ADAM19: variants seen among roughly 807,000 people sequenced by gnomAD.
The protein encoded by ADAM19 is disintegrin and metalloproteinase domain-containing protein 19.
Under a neutral mutation model 114.7 loss-of-function variants are expected in ADAM19, and 65 were observed. The observed-to-expected ratio is 0.57, with a 90% confidence interval of 0.46 to 0.70. ADAM19 has a LOEUF of 0.70. Ranked by LOEUF, ADAM19 falls within the 30% of genes least tolerant of loss-of-function variation. ADAM19 has a pLI of 0.00. For missense variants in ADAM19, 1,063 were observed against 1,204.7 expected (o/e 0.88, Z 1.74); for synonymous variants, 466 against 460.5 (o/e 1.01, Z -0.15).
chr5:157,502,850 T>G lies in ADAM19; in HGVS notation c.1261A>C (p.Asn421His). 2 of 1,614,144 alleles carry G rather than the reference T, an allele frequency of 1.2e-6. No individual in the cohort carries two copies. Among genetic ancestry groups the G allele is most frequent in the Non-Finnish European group, 8.5e-7 (1 of 1,180,020 alleles). ...TCTTCCCCATCTTCCAGATACCCGT[T>G]CCCACACCTCCGGCCTCCATACAAC... Reference protein sequence around the residue: ...RMLYGGRRCGNGYLEDGEECD... With the variant: ...RMLYGGRRCGHGYLEDGEECD... The change falls in exon 12 of 23, where the codon AAC becomes CAC. Residue 421 changes from asparagine (N) to histidine (H), a missense_variant. Physicochemically the swap from Asn to His is moderately conservative, Grantham distance 68. Around this residue, in one of 3 missense-constraint regions of ADAM19, gnomAD observed 615 missense variants for 706.3 expected, o/e 0.87. Transcript: ENST00000257527.
chr5:157,541,055 C>A (rs989537469), intron 3 of ADAM19, among the ~76,000 whole-genome samples: 2 of 152,286 alleles, frequency 1.3e-5, no homozygotes, highest in Middle Eastern at 6.8e-3. Flanking sequence ...TGCAGCTCCC[C>A]CAAGCTAGGT....
At chr5:157,562,070 C>G (rs1403534599) in intron 3 of ADAM19, among the ~76,000 whole-genome samples, 1 of 152,146 alleles carries the variant, frequency 6.6e-6, no homozygotes, top group Non-Finnish European at 1.5e-5. Flanking sequence ...AGAAAATCAT[C>G]TCCCCCGCTC....
chr5:157,481,784 G>A lies in ADAM19; in HGVS notation c.2703+7C>T, dbSNP rs1242962438. ...GCTTTCACCTTGAGGGCTTCCCGTG[G>A]ACTCACCTTTGGGGCAAGTGCTGCC... On this transcript the variant is annotated splice_region_variant and intron_variant, in intron 22 of 22. Coordinates refer to ENST00000257527, the MANE Select transcript of ADAM19 (RefSeq NM_033274.5). 2 of 1,567,508 alleles carry A rather than the reference G, an allele frequency of 1.3e-6. No homozygotes were observed. Among genetic ancestry groups the A allele is most frequent in the Non-Finnish European group, 1.7e-6 (2 of 1,154,874 alleles).
rs1754627684 is a variant in ADAM19 at position 157,477,427 on chromosome 5, G to A, written c.*3522C>T. On this transcript the variant is annotated 3_prime_UTR_variant, in exon 23 of 23. Transcript: ENST00000257527. ...TTGTAAACAATTAATAGGTGGACAA[G>A]AGAGAAGAAGATCTGTTTTCCGTGA... 10 of 1,030,560 alleles carry A rather than the reference G, an allele frequency of 9.7e-6. No homozygotes were observed. The Middle Eastern group carries it at 1.4e-3, about 149-fold the overall frequency. The allele number at this position is 1,030,560 out of a possible 1,614,324, so 63.8% of individuals were successfully genotyped here.
At position 157,518,844 on chromosome 5, in the gene ADAM19, G is replaced by A. The variant is rs1756180174; in HGVS notation, c.645C>T (p.Tyr215=). 2 of 1,613,938 alleles carry A rather than the reference G, an allele frequency of 1.2e-6. No individual in the cohort carries two copies. Among genetic ancestry groups the A allele is most frequent in the Admixed American group, 1.7e-5 (1 of 60,012 alleles). The change falls in exon 7 of 23, where the codon TAC becomes TAT. Residue 215 remains tyrosine (Y), a synonymous_variant. Transcript: ENST00000257527. ...TTACCTCTAAATAATCAGCCACGAG[G>A]TAAAGCTCCACATACTTCATGGAGT... is the stretch of plus-strand genomic sequence containing the variant. ...DLNSMKYVEL[Y]LVADYLEFQK... is the part of the protein sequence containing the mutation.
At chr5:157,498,686 A>ATG (rs202157195) in intron 13 of ADAM19, among the ~76,000 whole-genome samples, 7,368 of 98,026 alleles carry the variant, frequency 0.075, 245 homozygotes, top group South Asian at 0.21. Flanking sequence ...ACATGTGTGT[A>ATG]TGTATATATA....
At chr5:157,552,535 C>T (rs551869232) in intron 3 of ADAM19, among the ~76,000 whole-genome samples, 14 of 151,806 alleles carry the variant, frequency 9.2e-5, no homozygotes, top group Middle Eastern at 3.4e-3. Flanking sequence ...AAAAGTTAGC[C>T]GGGCATGGTG....
chr5:157,539,589 A>G (rs186413132), intron 3 of ADAM19, among the ~76,000 whole-genome samples: 8 of 150,912 alleles, frequency 5.3e-5, no homozygotes, highest in Admixed American at 5.2e-4. Context: ...CGCCTTGGAC[A>G]AGAAGAAAAG....
intron 8 of ADAM19, 149 bp downstream of exon 8, chr5:157,513,285 C>T: frequency 1.5e-6 from 1 of 651,576 alleles, no homozygotes; most frequent in Non-Finnish European, 2.7e-6. Flanking sequence ...TAGTTCAGGG[C>T]TCTGTCATGA....
intron 20 of ADAM19, 57 bp downstream of exon 20, chr5:157,489,045 G>A: frequency 1.9e-6 from 2 of 1,058,888 alleles, no homozygotes; most frequent in Non-Finnish European, 2.8e-6. Context: ...GAAAAATACA[G>A]CATGGCCCTG....
At chr5:157,560,452 A>T (rs1757482311) in intron 3 of ADAM19, among the ~76,000 whole-genome samples, 1 of 152,190 alleles carries the variant, frequency 6.6e-6, no homozygotes, top group South Asian at 2.1e-4. Context: ...CACTGCCTCA[A>T]TCACAAGTTT....
At chr5:157,574,516 G>A (rs1465821682) in intron 1 of ADAM19, among the ~76,000 whole-genome samples, 1 of 152,126 alleles carries the variant, frequency 6.6e-6, no homozygotes, top group African/African-American at 2.4e-5. Flanking sequence ...TCAGCCTCTG[G>A]GTTTGAGGCG....
At chr5:157,543,396 T>C (rs1387697384) in intron 3 of ADAM19, among the ~76,000 whole-genome samples, 1 of 152,192 alleles carries the variant, frequency 6.6e-6, no homozygotes, top group African/African-American at 2.4e-5. Flanking sequence ...CTCTTATAAG[T>C]CGTGTGAATT....
At chr5:157,538,071 A>G (rs976810252) in intron 3 of ADAM19, 80 bp from the exon 4 acceptor site, 7 of 1,203,878 alleles carry the variant, frequency 5.8e-6, no homozygotes, top group Non-Finnish European at 8.6e-6. Flanking sequence ...ATTTTAACTG[A>G]ACCAGGCAGG....
intron 10 of ADAM19, 61 bp from the exon 11 acceptor site, chr5:157,505,869 C>T: frequency 1.3e-6 from 2 of 1,564,854 alleles, no homozygotes; most frequent in Non-Finnish European, 1.7e-6. Flanking sequence ...TGCCCCCCAT[C>T]CCTGCCTTAT....
rs563357371 is a variant in ADAM19, at chr5:157,541,871, T to A, written c.252-3880A>T. 2.1e-4 allele frequency among the ~76,000 whole-genome samples: 32 copies of A among 152,384 alleles called. 1 individual carries two copies. The highest frequency in any genetic ancestry group is 1.5e-3 in the East Asian group (8 of 5,196). On this transcript the variant is annotated intron_variant, in intron 3 of 22. Transcript: ENST00000257527. The stretch of plus-strand genomic sequence containing the variant: ...CTGGGAGCTCAAACCTTCTTCCTCC[T>A]GCTTCAGATAAGCAAACCAGTGAAG...
At chr5:157,534,375 T>C (rs964461235) in intron 4 of ADAM19, among the ~76,000 whole-genome samples, 6 of 152,014 alleles carry the variant, frequency 3.9e-5, no homozygotes, top group African/African-American at 1.4e-4. Context: ...GGCTGAGGCA[T>C]GAGAACTGCT....
rs146445517 is a variant in ADAM19, at chr5:157,480,203, A to C, written c.*746T>G. ...GCGGCAGAGAAAACAAAGAGCAACT[A>C]AAAATTATCCAGAGTCAGGAGTCGC... is the stretch of plus-strand genomic sequence containing the variant. On this transcript the variant is annotated 3_prime_UTR_variant, in exon 23 of 23. Coordinates refer to ENST00000257527, the MANE Select transcript of ADAM19 (RefSeq NM_033274.5). 1.9e-5 allele frequency: 19 copies of C among 986,184 alleles called. No homozygotes were observed. In the African/African-American group the frequency reaches 3.3e-4, roughly 17 times the overall value. The allele number at this position is 986,184 out of a possible 1,614,324, so 61.1% of individuals were successfully genotyped here.
At chr5:157,496,771 A>C in intron 14 of ADAM19, 123 bp downstream of exon 14, 2 of 790,208 alleles carry the variant, frequency 2.5e-6, no homozygotes, top group Non-Finnish European at 3.8e-6. Flanking sequence ...AGTCAAGGGG[A>C]TGAAAGAGGT....
Sources: allele counts gnomAD v4.1 joint callset (sites outside exome capture counted in the v4.1 genomes callset), GRCh38; gene constraint gnomAD v4.1.1; regional missense constraint gnomAD v4.1.1; transcripts MANE v1.5; gene names NCBI Gene and HGNC (gene_info 2026-07-23, HGNC 2026-07-21).